Variants in LUZP2 observed in about 807,000 individuals in gnomAD.
The protein encoded by LUZP2 is leucine zipper protein 2.
Under a neutral mutation model 51.6 loss-of-function variants are expected in LUZP2, and 52 were observed. That is an observed-to-expected ratio of 1.01 (90% CI 0.81 to 1.27). LUZP2 has a LOEUF of 1.27. Among genes scored for constraint, LUZP2 ranks in the 50% most tolerant of loss-of-function variants. The probability of loss-of-function intolerance (pLI) is 0.00; values close to 1 mark genes in which losing one functional copy is unlikely to be tolerated. For synonymous variants in LUZP2, 154 were observed against 137.3 expected, an observed-to-expected ratio of 1.12 and a Z score of -0.85; for missense variants, 436 against 395.4, an observed-to-expected ratio of 1.10 and a Z score of -0.87.
intron 8 of LUZP2, among the ~76,000 whole-genome samples, chr11:24,977,244 ATAT>A (rs1391959538): frequency 1.3e-5 from 2 of 151,640 alleles, no homozygotes; most frequent in Non-Finnish European, 3.0e-5. Flanking sequence ...TTAAAATATA[ATAT>A]TAACAAATAT....
intron 7 of LUZP2, among the ~76,000 whole-genome samples, chr11:24,926,547 G>GTA (rs1216617441): frequency 6.9e-6 from 1 of 144,514 alleles, no homozygotes; most frequent in Non-Finnish European, 1.5e-5. Context: ...ATATATACGT[G>GTA]TATATATATG....
chr11:24,501,329 G>A lies in LUZP2; in HGVS notation c.62+4024G>A, dbSNP rs180832671. ...TCTTTGTGGATTAAATTTTCTCTGT[G>A]ATTAATGATAGGGACATCTCAAATA... is the stretch of plus-strand genomic sequence containing the variant. On this transcript the variant is annotated intron_variant, in intron 1 of 11. Transcript: ENST00000336930. Among the ~76,000 whole-genome samples, 87 of 152,282 alleles carry A rather than the reference G, an allele frequency of 5.7e-4. 2 individuals are homozygous for A. Among genetic ancestry groups the A allele is most frequent in the Non-Finnish European group, 2.9e-5 (2 of 68,012 alleles).
At chr11:24,651,284 C>T (rs930632695) in intron 1 of LUZP2, among the ~76,000 whole-genome samples, 3 of 152,074 alleles carry the variant, frequency 2.0e-5, no homozygotes, top group Admixed American at 2.0e-4. Flanking sequence ...TTAGTTCATT[C>T]CTTGAGAGCT....
At chr11:25,011,873 A>G (rs1856994121) in intron 9 of LUZP2, among the ~76,000 whole-genome samples, 1 of 151,792 alleles carries the variant, frequency 6.6e-6, no homozygotes, top group East Asian at 1.9e-4. Flanking sequence ...GAGAGAATAT[A>G]TATGTTTTTA....
intron 5 of LUZP2, among the ~76,000 whole-genome samples, chr11:24,829,760 A>G (rs1850644302): frequency 2.0e-5 from 3 of 152,216 alleles, no homozygotes. Flanking sequence ...GTGAGGTTCT[A>G]GAGAGTATGT....
intron 1 of LUZP2, among the ~76,000 whole-genome samples, chr11:24,594,108 A>G (rs1030987782): frequency 6.6e-6 from 1 of 152,356 alleles, no homozygotes; most frequent in Non-Finnish European, 1.5e-5. Context: ...ATTAAAAAAT[A>G]CATTTTACTT....
intron 1 of LUZP2, among the ~76,000 whole-genome samples, chr11:24,623,974 G>C (rs1433257775): frequency 1.3e-5 from 2 of 152,058 alleles, no homozygotes; most frequent in Non-Finnish European, 2.9e-5. Context: ...TCTAAAATTA[G>C]CTGCTGATCA....
chr11:24,826,190 A>AAAAATAT lies in LUZP2; in HGVS notation c.396+62883_396+62884insAAATATA, dbSNP rs1215786412. Among the ~76,000 whole-genome samples the AAAAATAT allele has an allele frequency of 3.7e-3, 247 of 67,530 alleles. 3 individuals are homozygous for AAAAATAT. The highest frequency in any genetic ancestry group is 0.014 in the African/African-American group (237 of 16,968). The allele number at this position is 67,530 out of a possible 152,430, so 44.3% of individuals were successfully genotyped here. On this transcript the variant is annotated intron_variant, in intron 5 of 11. Transcript: ENST00000336930. ...GACTCCATCTCAAAAAAAAAAAAAA[A>AAAAATAT]ATATATATATATATATATAGTAAAA... is the stretch of plus-strand genomic sequence containing the variant.
intron 7 of LUZP2, among the ~76,000 whole-genome samples, chr11:24,926,784 A>G (rs1045729293): frequency 6.6e-6 from 1 of 151,354 alleles, no homozygotes; most frequent in Non-Finnish European, 1.5e-5. Flanking sequence ...CAAATGGTAG[A>G]TCTACATTTA....
At chr11:24,977,752 G>A (rs887896490) in intron 8 of LUZP2, among the ~76,000 whole-genome samples, 1 of 151,348 alleles carries the variant, frequency 6.6e-6, no homozygotes, top group African/African-American at 2.4e-5. Flanking sequence ...TATACACTAT[G>A]TTTAACATTA....
chr11:24,838,401 C>T (rs1850920662), intron 5 of LUZP2, among the ~76,000 whole-genome samples: 1 of 151,614 alleles, frequency 6.6e-6, no homozygotes, highest in African/African-American at 2.4e-5. Flanking sequence ...TCAAATAAGT[C>T]ACTTGTCCAT....
chr11:24,948,544 C>A (rs962338764), intron 7 of LUZP2, among the ~76,000 whole-genome samples: 1 of 151,438 alleles, frequency 6.6e-6, no homozygotes, highest in South Asian at 2.1e-4. Flanking sequence ...AGCCCTGGGC[C>A]CTAAATTCAC....
intron 5 of LUZP2, among the ~76,000 whole-genome samples, chr11:24,897,367 T>C (rs888555869): frequency 2.6e-5 from 4 of 152,210 alleles, no homozygotes; most frequent in African/African-American, 9.7e-5. Context: ...ATAAATCTTG[T>C]TCTGCTCTTT....
chr11:24,514,738 A>T (rs1345192607), intron 1 of LUZP2, among the ~76,000 whole-genome samples: 1 of 152,202 alleles, frequency 6.6e-6, no homozygotes, highest in Non-Finnish European at 1.5e-5. Context: ...AGATTACATG[A>T]ATCTATTTAT....
chr11:24,695,779 C>T (rs1022988619), intron 1 of LUZP2, among the ~76,000 whole-genome samples: 2 of 151,774 alleles, frequency 1.3e-5, no homozygotes, highest in Non-Finnish European at 2.9e-5. Flanking sequence ...TTTTTAAATG[C>T]TAAAATACAT....
intron 1 of LUZP2, among the ~76,000 whole-genome samples, chr11:24,667,330 T>C (rs1856249416): frequency 6.6e-6 from 1 of 151,756 alleles, no homozygotes; most frequent in African/African-American, 2.4e-5. Context: ...ACTACAGACA[T>C]GTGCCACCAT....
At chr11:24,734,731 T>C (rs1319220564) in intron 3 of LUZP2, among the ~76,000 whole-genome samples, 1 of 151,946 alleles carries the variant, frequency 6.6e-6, no homozygotes, top group Non-Finnish European at 1.5e-5. Context: ...AAAATCTGAC[T>C]TATTAGTAAA....
intron 7 of LUZP2, among the ~76,000 whole-genome samples, chr11:24,930,689 T>C (rs552532451): frequency 1.3e-5 from 2 of 152,330 alleles, no homozygotes; most frequent in East Asian, 3.9e-4. Context: ...GATAACCTGA[T>C]GACTATGTGC....
chr11:24,698,797 T>C (rs1249940460), intron 1 of LUZP2, among the ~76,000 whole-genome samples: 1 of 152,128 alleles, frequency 6.6e-6, no homozygotes, highest in Non-Finnish European at 1.5e-5. Flanking sequence ...GGCTCACACT[T>C]GTAATCCTCT....
Sources: gnomAD v4.1 joint callset for allele counts (sites outside exome capture counted in the v4.1 genomes callset) on GRCh38, gnomAD v4.1.1 for gene constraint, MANE v1.5 for transcripts, NCBI Gene and HGNC (gene_info 2026-07-23, HGNC 2026-07-21) for gene names.